Variants in CACNA2D2 observed in about 807,000 individuals in gnomAD.
CACNA2D2 encodes the protein voltage-dependent calcium channel subunit alpha-2/delta-2.
A neutral mutation model predicts 166.4 loss-of-function variants in CACNA2D2; 48 were observed. That is an observed-to-expected ratio of 0.29 (90% confidence interval 0.23 to 0.37). CACNA2D2 has a LOEUF of 0.37. CACNA2D2 is among the 10% of genes least tolerant of loss of function. The probability of loss-of-function intolerance (pLI) is 1.00; values close to 1 mark genes in which losing one functional copy is unlikely to be tolerated. For synonymous variants in CACNA2D2, 561 were observed against 573.7 expected (o/e 0.98, Z 0.32); for missense variants, 1,122 against 1,433.0 (o/e 0.78, Z 3.50).
chr3:50,411,988 T>A (rs921372935), intron 3 of CACNA2D2, among the ~76,000 whole-genome samples: 15 of 152,098 alleles, frequency 9.9e-5, no homozygotes, highest in Non-Finnish European at 1.8e-4. Context: ...CACCTTCCCA[T>A]GGCAAGCCAC....
chr3:50,363,466 C>CTGTGTGTGTGCACAGAGCGTG lies in CACNA2D2; in HGVS notation c.*1199_*1200insCACGCTCTGTGCACACACACA, dbSNP rs1553724510. On this transcript the variant is annotated 3_prime_UTR_variant, in exon 38 of 38. Coordinates refer to ENST00000424201, the MANE Select transcript of CACNA2D2 (RefSeq NM_006030.4). ...GTGAAGAGCTGTGCCCAGTCCCCACCTGTGTGTGTGTGTGTGTGTGTGTGT... is the reference window on the plus strand; with the variant it reads ...GTGAAGAGCTGTGCCCAGTCCCCACCTGTGTGTGTGCACAGAGCGTGTGTGTGTGTGTGTGTGTGTGTGTGT... 25 of 352,956 alleles carry CTGTGTGTGTGCACAGAGCGTG rather than the reference C, an allele frequency of 7.1e-5. No individual in the cohort carries two copies. In the Admixed American group the frequency reaches 1.1e-3, roughly 15 times the overall value. 21.9% of individuals were successfully genotyped at this position (352,956 alleles called of 1,614,324 possible). A position where few individuals can be genotyped will look rare whatever the true frequency, so the allele number is the denominator to read the frequency against.
chr3:50,465,629 G>A (rs1029228092), intron 2 of CACNA2D2, among the ~76,000 whole-genome samples: 3 of 152,198 alleles, frequency 2.0e-5, no homozygotes, highest in South Asian at 2.1e-4. Context: ...ATGGGGAGGC[G>A]CACAGGGCTA....
chr3:50,386,501 A>C (rs1405837254), intron 5 of CACNA2D2, among the ~76,000 whole-genome samples: 3 of 152,180 alleles, frequency 2.0e-5, no homozygotes, highest in African/African-American at 7.2e-5. Context: ...TTCCAGCTTT[A>C]ATTTTAGCAA....
At chr3:50,461,229 G>C (rs1709570275) in intron 2 of CACNA2D2, among the ~76,000 whole-genome samples, 1 of 152,214 alleles carries the variant, frequency 6.6e-6, no homozygotes, top group African/African-American at 2.4e-5. Context: ...ATGTACAATG[G>C]ATCGGGAATC....
chr3:50,484,914 G>A, intron 1 of CACNA2D2, among the ~76,000 whole-genome samples: 1 of 152,210 alleles, frequency 6.6e-6, no homozygotes, highest in East Asian at 1.9e-4. Flanking sequence ...CAGGTGGGGT[G>A]GGCAGGGGGA....
At chr3:50,368,087 C>G in intron 24 of CACNA2D2, 51 bp downstream of exon 24, 2 of 1,399,698 alleles carry the variant, frequency 1.4e-6, no homozygotes, top group Non-Finnish European at 1.0e-6. Flanking sequence ...CTGGGCTGGC[C>G]CCATGCTGCC....
At chr3:50,388,305 G>A (rs777151503) in intron 4 of CACNA2D2, among the ~76,000 whole-genome samples, 4 of 152,204 alleles carry the variant, frequency 2.6e-5, no homozygotes, top group Non-Finnish European at 4.4e-5. Context: ...AATCAGAACC[G>A]AGCGCGGCTG....
intron 3 of CACNA2D2, among the ~76,000 whole-genome samples, chr3:50,406,659 T>C (rs1706728504): frequency 6.6e-6 from 1 of 151,658 alleles, no homozygotes; most frequent in African/African-American, 2.4e-5. Context: ...CCACCATCAC[T>C]ACCTTCATCC....
At chr3:50,410,693 G>T (rs1706967360) in intron 3 of CACNA2D2, among the ~76,000 whole-genome samples, 1 of 152,252 alleles carries the variant, frequency 6.6e-6, no homozygotes, top group African/African-American at 2.4e-5. Flanking sequence ...TCCTCCAAGG[G>T]AAAGGGGGTA....
At chr3:50,444,496 C>G (rs1034681707) in intron 2 of CACNA2D2, among the ~76,000 whole-genome samples, 1 of 152,224 alleles carries the variant, frequency 6.6e-6, no homozygotes, top group African/African-American at 2.4e-5. Flanking sequence ...GATGGAAGTT[C>G]AAGTGTGGGG....
chr3:50,485,363 C>G (rs1253637551), intron 1 of CACNA2D2, among the ~76,000 whole-genome samples: 2 of 152,172 alleles, frequency 1.3e-5, no homozygotes. Flanking sequence ...ACTGAGCCAC[C>G]CTAGTGGTTT....
At position 50,365,112 on chromosome 3, in the gene CACNA2D2, C is replaced by T; in HGVS notation, c.3171G>A (p.Gln1057=). The T allele has an allele frequency of 6.2e-7, 1 of 1,612,094 alleles. No individual in the cohort carries two copies. The highest frequency in any genetic ancestry group is 8.5e-7 in the Non-Finnish European group (1 of 1,179,698). Residue 1057 remains glutamine, a synonymous_variant, in exon 36 of 38, where the codon CAG becomes CAA. Coordinates refer to ENST00000424201, the MANE Select transcript of CACNA2D2 (RefSeq NM_006030.4). This position sits in a 1 kb window ranked among gnomAD's most constrained non-coding sequence, Gnocchi z 4.5. Reference sequence around the variant, plus strand: ...TCTGCAGCAGCCGGCCAGCCTCGCACTGGCTGCACAGCGGCTTCTCGGCCA... The same window carrying T: ...TCTGCAGCAGCCGGCCAGCCTCGCATTGGCTGCACAGCGGCTTCTCGGCCA... ...FVVAEKPLCS[Q]CEAGRLLQKE... is the part of the protein sequence containing the mutation.
chr3:50,387,800 TCAGGGGCCCTGCACAGGCTC>T, intron 4 of CACNA2D2, among the ~76,000 whole-genome samples, 188 bp from the exon 5 acceptor site: 1 of 152,296 alleles, frequency 6.6e-6, no homozygotes, highest in African/African-American at 2.4e-5. Context: ...AGGCCTATCT[TCAGGGGCCCTGCACAGGCTC>T]CAGGAGCATG....
In CACNA2D2 at chr3:50,365,666, A is replaced by G; in HGVS notation, c.2938T>C (p.Tyr980His). The G allele has an allele frequency of 6.3e-7, 1 of 1,584,512 alleles. No homozygotes were observed. Residue 980 changes from tyrosine (Y) to histidine (H), a missense_variant, in exon 34 of 38, where the codon TAC (tyrosine) becomes CAC (histidine). Tyr to His is a moderately conservative substitution (Grantham distance 83). This residue lies in a region of CACNA2D2 where 282 missense variants were observed against 266.2 expected (regional missense o/e 1.06). Coordinates refer to ENST00000424201, the MANE Select transcript of CACNA2D2 (RefSeq NM_006030.4). The surrounding 1 kb of genome is among the most constrained non-coding windows in gnomAD (Gnocchi z 4.5). Reference protein sequence around the residue: ...AAWSLFQQLLYGLIYHSWFQA... With the variant: ...AAWSLFQQLLHGLIYHSWFQA... ...AACCAGCTGTGGTAGATGAGGCCGTAGAGAAGCTGCTGGAACAGGGACCTG... is the reference window on the plus strand; with the variant it reads ...AACCAGCTGTGGTAGATGAGGCCGTGGAGAAGCTGCTGGAACAGGGACCTG...
rs144773376 is a variant in CACNA2D2, at chr3:50,451,257, C to T, written c.289-16828G>A. ...TCCCCTGCCTCAGCCTCCCGAGTAC[C>T]TGGGATTACAGGTGTGCGCCACCAT... On this transcript the variant is annotated intron_variant, in intron 2 of 37. Coordinates refer to ENST00000424201, the MANE Select transcript of CACNA2D2 (RefSeq NM_006030.4). Among the ~76,000 whole-genome samples, 694 of 152,282 alleles carry T rather than the reference C, an allele frequency of 4.6e-3. 7 individuals carry two copies. Among genetic ancestry groups the T allele is most frequent in the Non-Finnish European group, 8.0e-3 (547 of 68,014 alleles).
intron 3 of CACNA2D2, among the ~76,000 whole-genome samples, chr3:50,413,783 G>A (rs1171363626): frequency 6.6e-6 from 1 of 152,044 alleles, no homozygotes; most frequent in African/African-American, 2.4e-5. Flanking sequence ...GGAGGCAGAG[G>A]TTGCAGTGAG....
At position 50,501,993 on chromosome 3, in the gene CACNA2D2, G is replaced by A. The variant is rs553660975; in HGVS notation, c.206+1225C>T. Among the ~76,000 whole-genome samples the A allele has an allele frequency of 1.8e-4, 27 of 152,294 alleles. No individual in the cohort carries two copies. The East Asian group carries it at 4.3e-3, about 24-fold the overall frequency. ...AGCACAGCCAGGCTGTGCAATGAGA[G>A]AGACGACAAGACGGAGAGAGAGACC... is the stretch of plus-strand genomic sequence containing the variant. On this transcript the variant is annotated intron_variant, in intron 1 of 37. Coordinates refer to ENST00000424201, the MANE Select transcript of CACNA2D2 (RefSeq NM_006030.4).
chr3:50,371,788 AAGG>A (rs1051891733), intron 22 of CACNA2D2, among the ~76,000 whole-genome samples: 1 of 152,052 alleles, frequency 6.6e-6, no homozygotes, highest in African/African-American at 2.4e-5. Context: ...GAAAAAGAAA[AAGG>A]AGGGCGAAGG....
At chr3:50,432,620 T>C (rs956863043) in intron 3 of CACNA2D2, among the ~76,000 whole-genome samples, 3 of 152,176 alleles carry the variant, frequency 2.0e-5, no homozygotes, top group African/African-American at 7.2e-5. Context: ...GCGAGCGTAA[T>C]GGGCTGCTAT....
Sources: gnomAD v4.1 joint callset for allele counts (sites outside exome capture counted in the v4.1 genomes callset) on GRCh38, gnomAD v4.1.1 for gene constraint, gnomAD v4.1.1 regional missense constraint, Gnocchi (gnomAD v3.1) non-coding constraint, MANE v1.5 for transcripts, NCBI Gene and HGNC (gene_info 2026-07-23, HGNC 2026-07-21) for gene names.